Variants in SPAG6 observed in about 807,000 individuals in gnomAD.
The protein encoded by SPAG6 is sperm-associated antigen 6.
In SPAG6, 49 loss-of-function variants were observed where a neutral mutation model predicts 58.5. That is an observed-to-expected ratio of 0.84 (90% CI 0.67 to 1.06). The LOEUF is 1.06. Among genes scored for constraint, SPAG6 ranks in the 50% least tolerant of loss-of-function variants. SPAG6 has a pLI of 0.00. For synonymous variants in SPAG6, 233 were observed against 225.6 expected (o/e 1.03, Z -0.29); for missense variants, 560 against 611.3 (o/e 0.92, Z 0.89).
chr10:22,346,207 G>A (rs972034638), intron 2 of SPAG6, among the ~76,000 whole-genome samples: 6 of 152,168 alleles, frequency 3.9e-5, no homozygotes, highest in African/African-American at 1.4e-4. Flanking sequence ...AATTCCAGTG[G>A]TTTAGACGTG....
intron 2 of SPAG6, among the ~76,000 whole-genome samples, chr10:22,349,964 A>G (rs1836671863): frequency 6.6e-6 from 1 of 152,190 alleles, no homozygotes; most frequent in Non-Finnish European, 1.5e-5. Flanking sequence ...GTAAGCATTT[A>G]TCATGTATTT....
intron 8 of SPAG6, among the ~76,000 whole-genome samples, chr10:22,393,758 G>A (rs1488348851): frequency 3.9e-5 from 6 of 151,932 alleles, no homozygotes; most frequent in African/African-American, 7.3e-5. Context: ...CTTTCCCCAC[G>A]GTCTCGTGAA....
At chr10:22,370,797 C>T (rs540042670) in intron 4 of SPAG6, among the ~76,000 whole-genome samples, 1 of 152,244 alleles carries the variant, frequency 6.6e-6, no homozygotes, top group South Asian at 2.1e-4. Context: ...GACAAAACTA[C>T]AGCAGGGTTT....
At chr10:22,364,494 T>C (rs1837137419) in intron 2 of SPAG6, among the ~76,000 whole-genome samples, 1 of 152,186 alleles carries the variant, frequency 6.6e-6, no homozygotes, top group African/African-American at 2.4e-5. Context: ...TTGCAAAGTC[T>C]GGGGGGAAGC....
At chr10:22,400,063 C>A (rs1446745212) in intron 8 of SPAG6, among the ~76,000 whole-genome samples, 1 of 152,170 alleles carries the variant, frequency 6.6e-6, no homozygotes, top group Admixed American at 6.5e-5. Flanking sequence ...TCAAGAGATT[C>A]TTTACTAACA....
chr10:22,364,228 T>C (rs1837128560), intron 2 of SPAG6, among the ~76,000 whole-genome samples: 1 of 152,242 alleles, frequency 6.6e-6, no homozygotes, highest in Non-Finnish European at 1.5e-5. Context: ...GCCTGCTTCA[T>C]AGTTTTGTTA....
intron 2 of SPAG6, among the ~76,000 whole-genome samples, chr10:22,346,473 TTCTTCTTCTTCTTCTTCTTCTTCTTTC>T (rs1231317100): frequency 2.1e-4 from 29 of 140,688 alleles, no homozygotes; most frequent in African/African-American, 8.7e-4. Context: ...CTTCTTCTTC[TTCTTCTTCTTCTTCTTCTTCTTCTTTC>T]TTCTTCTTCT....
rs547727318 is a variant in SPAG6 at position 22,395,643 on chromosome 10, A to G, written c.1197+3723A>G. Among the ~76,000 whole-genome samples the G allele has an allele frequency of 3.9e-5, 6 of 152,316 alleles. No individual in the cohort carries two copies. In the East Asian group the frequency reaches 1.2e-3, roughly 29 times the overall value. On this transcript the variant is annotated intron_variant, in intron 8 of 10. Transcript: ENST00000376624. Reference sequence around the variant, plus strand: ...CTGGATGCAAGATCTTATCAGATGTATGATTTACAAGTATTTTCTCACATT... The same window carrying G: ...CTGGATGCAAGATCTTATCAGATGTGTGATTTACAAGTATTTTCTCACATT...
intron 10 of SPAG6, 181 bp downstream of exon 10, chr10:22,411,357 C>T (rs533486479): frequency 1.1e-4 from 51 of 483,022 alleles, no homozygotes; most frequent in African/African-American, 5.4e-4. Flanking sequence ...CTGACTGACA[C>T]GCACATTTCC....
intron 4 of SPAG6, among the ~76,000 whole-genome samples, chr10:22,381,400 C>T (rs1034794667): frequency 2.0e-5 from 3 of 150,948 alleles, no homozygotes; most frequent in Admixed American, 6.6e-5. Flanking sequence ...GTCCTGACAA[C>T]AGTAGGCCTA....
At chr10:22,384,220 C>T (rs978289380) in intron 4 of SPAG6, among the ~76,000 whole-genome samples, 2 of 152,286 alleles carry the variant, frequency 1.3e-5, no homozygotes, top group South Asian at 4.1e-4. Flanking sequence ...GCAGACATGA[C>T]CATGTCCAAC....
chr10:22,374,889 C>T lies in SPAG6; in HGVS notation c.472+6211C>T, dbSNP rs549342586. On this transcript the variant is annotated intron_variant, in intron 4 of 10. Transcript: ENST00000376624. ...CAGATAACAACTGAACAGTCCTTGG[C>T]GTAGAAATAACAGGAGGAAGTGATA... 9.9e-5 allele frequency among the ~76,000 whole-genome samples: 15 copies of T among 152,242 alleles called. No homozygotes were observed. In the South Asian group the frequency reaches 1.2e-3, roughly 13 times the overall value.
chr10:22,391,307 A>G (rs1834178097), intron 7 of SPAG6, among the ~76,000 whole-genome samples: 1 of 152,242 alleles, frequency 6.6e-6, no homozygotes, highest in Non-Finnish European at 1.5e-5. Context: ...CAGGCTTATT[A>G]TATCAGGTTT....
chr10:22,348,196 G>T (rs1836620574), intron 2 of SPAG6, among the ~76,000 whole-genome samples: 1 of 152,120 alleles, frequency 6.6e-6, no homozygotes, highest in South Asian at 2.1e-4. Flanking sequence ...CCAGCATGTT[G>T]GCCAGGATGG....
intron 8 of SPAG6, among the ~76,000 whole-genome samples, chr10:22,400,085 G>A (rs961944665): frequency 1.3e-5 from 2 of 152,126 alleles, no homozygotes; most frequent in Non-Finnish European, 2.9e-5. Context: ...CACACCTGTG[G>A]TAAAGTTTTG....
rs1476588269 is a variant in SPAG6 at position 22,389,162 on chromosome 10, T to G, written c.855T>G (p.Leu285=). 1 of 1,612,950 alleles carries G rather than the reference T, an allele frequency of 6.2e-7. No individual in the cohort carries two copies. The highest frequency in any genetic ancestry group is 8.5e-7 in the Non-Finnish European group (1 of 1,179,364). Residue 285 remains leucine (L), a splice_region_variant and synonymous_variant, in exon 7 of 11, where the codon CTT becomes CTG. Transcript: ENST00000376624. The part of the protein sequence containing the change: ...IREIAKHTPE[L]SQLVVNAGGV... ...TAACTCTTGTTCCCATCGCTTAGCT[T>G]TCACAGCTGGTAGTTAACGCAGGAG...
At chr10:22,363,025 G>T (rs1188281733) in intron 2 of SPAG6, among the ~76,000 whole-genome samples, 2 of 152,082 alleles carry the variant, frequency 1.3e-5, no homozygotes, top group Admixed American at 6.5e-5. Flanking sequence ...TGGAATCCTC[G>T]TAAAATGATG....
rs376932408 is a variant in SPAG6, at chr10:22,357,908, C to A, written c.122-6945C>A. On this transcript the variant is annotated intron_variant, in intron 2 of 10. Coordinates refer to ENST00000376624, the MANE Select transcript of SPAG6 (RefSeq NM_012443.4). ...CTTCATCCATGTCCCTACAAAGGAC[C>A]TGAGCTCATCATTTTTTATGGCTGC... Among the ~76,000 whole-genome samples, 747 of 152,020 alleles carry A rather than the reference C, an allele frequency of 4.9e-3. 9 individuals are homozygous for A. The highest frequency in any genetic ancestry group is 0.017 in the African/African-American group (691 of 41,446).
chr10:22,399,900 C>G (rs1304688237), intron 8 of SPAG6, among the ~76,000 whole-genome samples: 3 of 152,118 alleles, frequency 2.0e-5, no homozygotes, highest in Non-Finnish European at 4.4e-5. Flanking sequence ...TTCCAACTTA[C>G]ATTATACTAC....
Sources: gnomAD v4.1 joint callset for allele counts (sites outside exome capture counted in the v4.1 genomes callset) on GRCh38, gnomAD v4.1.1 for gene constraint, MANE v1.5 for transcripts, NCBI Gene and HGNC (gene_info 2026-07-23, HGNC 2026-07-21) for gene names.